SLC20A2: variants seen among roughly 807,000 people sequenced by gnomAD.
The protein encoded by SLC20A2 is sodium-dependent phosphate transporter 2.
Under a neutral mutation model 61.0 loss-of-function variants are expected in SLC20A2, and 30 were observed. The observed-to-expected ratio is 0.49, with a 90% CI of 0.37 to 0.67. SLC20A2 has a LOEUF of 0.67. Among genes scored for constraint, SLC20A2 ranks in the 30% least tolerant of loss-of-function variants. The pLI is 0.00. For missense variants in SLC20A2, 626 were observed against 866.4 expected (o/e 0.72, Z 3.48); for synonymous variants, 351 against 353.3 (o/e 0.99, Z 0.07).
At chr8:42,487,350 TG>T (rs1445709022) in intron 1 of SLC20A2, among the ~76,000 whole-genome samples, 1 of 151,852 alleles carries the variant, frequency 6.6e-6, no homozygotes, top group Admixed American at 6.6e-5. Context: ...GCTAATTTTT[TG>T]TGTTTTTAGT....
chr8:42,468,745 G>C (rs779689490), intron 2 of SLC20A2, among the ~76,000 whole-genome samples: 1 of 152,102 alleles, frequency 6.6e-6, no homozygotes, highest in Admixed American at 6.5e-5. Context: ...GCTGCCGGGC[G>C]GGGGTGGGGT....
At position 42,430,141 on chromosome 8, in the gene SLC20A2, G is replaced by A. The variant is rs1356762139; in HGVS notation, c.1632C>T (p.Ile544=). 1 of 1,613,982 alleles carries A rather than the reference G, an allele frequency of 6.2e-7. No individual in the cohort carries two copies. The highest frequency in any genetic ancestry group is 1.3e-5 in the African/African-American group (1 of 74,920). The change falls in exon 9 of 11, where the codon ATC becomes ATT. Residue 544 remains isoleucine, a synonymous_variant. Coordinates refer to ENST00000520262, the MANE Select transcript of SLC20A2 (RefSeq NM_001257180.2). ...VWLLFYGGVG[I]CTGLWVWGRR... ...TCCCCCAGACCCAGAGGCCTGTGCAGATTCCAACTCCTCCATAAAACAGCA... is the reference window on the plus strand; with the variant it reads ...TCCCCCAGACCCAGAGGCCTGTGCAAATTCCAACTCCTCCATAAAACAGCA...
At chr8:42,529,709 C>T (rs1398123442) in intron 1 of SLC20A2, among the ~76,000 whole-genome samples, 1 of 152,164 alleles carries the variant, frequency 6.6e-6, no homozygotes, top group East Asian at 1.9e-4. Context: ...TGTTCACATG[C>T]CCACAGGACT....
chr8:42,494,946 A>C (rs1403821617), intron 1 of SLC20A2, among the ~76,000 whole-genome samples: 1 of 152,000 alleles, frequency 6.6e-6, no homozygotes, highest in Non-Finnish European at 1.5e-5. Flanking sequence ...TCCCGGGTTC[A>C]AGCAATTCTC....
chr8:42,533,654 C>CTTTTTTTCTTTTTTT lies in SLC20A2; in HGVS notation c.-265+8166_-265+8167insAAAAAAAGAAAAAAA, dbSNP rs1253260874. 4.3e-4 allele frequency among the ~76,000 whole-genome samples: 24 copies of CTTTTTTTCTTTTTTT among 55,296 alleles called. 2 individuals carry two copies. The highest frequency in any genetic ancestry group is 7.8e-4 in the South Asian group (1 of 1,290). 36.3% of individuals were successfully genotyped at this position (55,296 alleles called of 152,430 possible). On this transcript the variant is annotated intron_variant, in intron 1 of 10. Coordinates refer to the SLC20A2 transcript ENST00000342228. Reference sequence around the variant, plus strand: ...TTAATGGCCTTAATGATCAACTGTTCTTTTTTTTTTTTTTTTTTTTTTGAG... The same window carrying CTTTTTTTCTTTTTTT: ...TTAATGGCCTTAATGATCAACTGTTCTTTTTTTCTTTTTTTTTTTTTTTTTTTTTTTTTTTTTGAG...
intron 1 of SLC20A2, among the ~76,000 whole-genome samples, chr8:42,528,826 C>G (rs989549227): frequency 2.0e-5 from 3 of 151,828 alleles, no homozygotes; most frequent in Admixed American, 6.6e-5. Flanking sequence ...GCCACCATGC[C>G]CGACTAATTT....
chr8:42,448,734 G>A (rs1805427215), intron 5 of SLC20A2, among the ~76,000 whole-genome samples: 1 of 152,114 alleles, frequency 6.6e-6, no homozygotes, highest in Non-Finnish European at 1.5e-5. Context: ...TCACGGAGGA[G>A]GAAGAAGAGA....
intron 1 of SLC20A2, among the ~76,000 whole-genome samples, chr8:42,524,103 A>C (rs79799793): frequency 1.3e-5 from 2 of 152,298 alleles, no homozygotes; most frequent in East Asian, 1.9e-4. Context: ...GGTGGACAGA[A>C]TCTCTCCCTA....
At chr8:42,485,362 C>A (rs1808891037) in intron 1 of SLC20A2, among the ~76,000 whole-genome samples, 2 of 152,044 alleles carry the variant, frequency 1.3e-5, no homozygotes, top group South Asian at 4.2e-4. Context: ...TGGGGCTAGG[C>A]CGAACGCGGT....
Position 42,472,424 on chromosome 8 carries a change from C to T in SLC20A2, c.-34G>A. ...GTGGGTGCCGGGTACTTTTCTTTTGCAGGAATATTTTAAATAAACAAAGCT... is the reference window on the plus strand; with the variant it reads ...GTGGGTGCCGGGTACTTTTCTTTTGTAGGAATATTTTAAATAAACAAAGCT... On this transcript the variant is annotated 5_prime_UTR_variant, in exon 2 of 11. Transcript: ENST00000520262. This position sits in a 1 kb window ranked among gnomAD's most constrained non-coding sequence, Gnocchi z 4.1. 3 of 1,588,624 alleles carry T rather than the reference C, an allele frequency of 1.9e-6. No homozygotes were observed. The South Asian group carries it at 3.4e-5, about 18-fold the overall frequency.
chr8:42,475,775 G>A (rs1367730412), intron 1 of SLC20A2, among the ~76,000 whole-genome samples: 1 of 151,658 alleles, frequency 6.6e-6, no homozygotes, highest in African/African-American at 2.4e-5. Flanking sequence ...GAAACATGGA[G>A]GATGAGTCAG....
At chr8:42,423,252 A>G (rs1003168183) in intron 10 of SLC20A2, among the ~76,000 whole-genome samples, 2 of 152,080 alleles carry the variant, frequency 1.3e-5, no homozygotes, top group African/African-American at 4.8e-5. Context: ...ATTGGGATAC[A>G]TTCTTATTTC....
intron 1 of SLC20A2, among the ~76,000 whole-genome samples, chr8:42,524,810 TAA>T (rs1336153027): frequency 7.9e-6 from 1 of 127,006 alleles, no homozygotes; most frequent in African/African-American, 3.0e-5. Context: ...AATAAATAAA[TAA>T]AAATAAAAAT....
At chr8:42,440,948 G>A (rs900405284) in intron 6 of SLC20A2, among the ~76,000 whole-genome samples, 1 of 151,550 alleles carries the variant, frequency 6.6e-6, no homozygotes, top group Non-Finnish European at 1.5e-5. Context: ...CTACAGGTGC[G>A]TGCCACCACG....
At chr8:42,418,205 C>T (rs1164869617) in intron 10 of SLC20A2, among the ~76,000 whole-genome samples, 1 of 152,224 alleles carries the variant, frequency 6.6e-6, no homozygotes, top group Non-Finnish European at 1.5e-5. Flanking sequence ...TCTCACTCTT[C>T]ACCCAGGCTG....
chr8:42,484,697 T>A (rs904311097), intron 1 of SLC20A2: 1 of 380,886 alleles, frequency 2.6e-6, no homozygotes, highest in Non-Finnish European at 5.1e-6. Flanking sequence ...TCTGATGAAG[T>A]GTGGGTGGGT....
chr8:42,467,727 G>C (rs1304022734), intron 2 of SLC20A2, among the ~76,000 whole-genome samples: 1 of 152,144 alleles, frequency 6.6e-6, no homozygotes, highest in Non-Finnish European at 1.5e-5. Flanking sequence ...GAGGAGAAGG[G>C]GCCAGCCTTG....
At chr8:42,537,657 CTT>C (rs1374077644) in intron 1 of SLC20A2, 1 of 152,204 alleles carries the variant, frequency 6.6e-6, no homozygotes, top group Non-Finnish European at 1.5e-5. Flanking sequence ...TAATCCTCAG[CTT>C]TGAGATTCAA....
chr8:42,532,300 T>G (rs920219661), intron 1 of SLC20A2, among the ~76,000 whole-genome samples: 26 of 152,306 alleles, frequency 1.7e-4, no homozygotes, highest in African/African-American at 6.3e-4. Context: ...CAGTCCAATT[T>G]CTAGAAATTA....
Sources: gnomAD v4.1 joint callset for allele counts (sites outside exome capture counted in the v4.1 genomes callset) on GRCh38, gnomAD v4.1.1 for gene constraint, Gnocchi (gnomAD v3.1) non-coding constraint, MANE v1.5 for transcripts, NCBI Gene and HGNC (gene_info 2026-07-23, HGNC 2026-07-21) for gene names.